TFEC: variants seen among roughly 807,000 people sequenced by gnomAD.
TFEC encodes transcription factor EC, also known as class E basic helix-loop-helix protein 34.
Under a neutral mutation model 41.6 loss-of-function variants are expected in TFEC, and 31 were observed. The ratio of observed to expected loss-of-function variants is 0.74; its 90% CI spans 0.56 to 1.01. The LOEUF (loss-of-function observed/expected upper bound fraction) is 1.01. Ranked by LOEUF, TFEC falls within the 50% of genes least tolerant of loss-of-function variation. The pLI is 0.00. For missense variants in TFEC, 402 were observed against 404.1 expected, an observed-to-expected ratio of 0.99 and a Z score of 0.04; for synonymous variants, 143 against 140.6, an observed-to-expected ratio of 1.02 and a Z score of -0.12.
chr7:116,061,718 A>G (rs1355963161), intron 3 of TFEC, among the ~76,000 whole-genome samples: 1 of 152,172 alleles, frequency 6.6e-6, no homozygotes, highest in Non-Finnish European at 1.5e-5. Context: ...ATGAGGGTGT[A>G]TATTCAGAAT....
intron 3 of TFEC, among the ~76,000 whole-genome samples, chr7:116,095,552 T>C (rs887156874): frequency 6.6e-6 from 1 of 152,232 alleles, no homozygotes; most frequent in African/African-American, 2.4e-5. Context: ...AAGACTTTAC[T>C]GTGATGTACC....
At position 115,936,795 on chromosome 7, in the gene TFEC, G is replaced by T. The variant is rs892152613; in HGVS notation, c.*3756C>A. On this transcript the variant is annotated 3_prime_UTR_variant, in exon 8 of 8. Transcript: ENST00000265440. ...AGAGCTATTAAATATTTGATTTACA[G>T]TCATGTAGGTGGGAAAAAAATGAGT... 6.6e-6 allele frequency: 1 copy of T among 151,362 alleles called. No homozygotes were observed. The highest frequency in any genetic ancestry group is 2.1e-4 in the South Asian group (1 of 4,822). 9.4% of individuals were successfully genotyped at this position (151,362 alleles called of 1,614,324 possible). A position where few individuals can be genotyped will look rare whatever the true frequency, so the allele number is the denominator to read the frequency against.
rs537980667 is a variant in TFEC at position 116,027,496 on chromosome 7, T to C, written c.-73+3137A>G. On this transcript the variant is annotated intron_variant, in intron 1 of 7. Coordinates refer to ENST00000265440, the MANE Select transcript of TFEC (RefSeq NM_012252.4). ...CTGTAGTACCAGCTACTCTGGGGGG[T>C]TGAGGCGGGAGGCTCTTTTGAGCCC... Among the ~76,000 whole-genome samples the C allele has an allele frequency of 4.0e-4, 61 of 151,986 alleles. No individual in the cohort carries two copies. The South Asian group carries it at 0.012, about 31-fold the overall frequency.
chr7:116,031,170 T>A (rs1323268271), upstream of TFEC, among the ~76,000 whole-genome samples: 1 of 152,148 alleles, frequency 6.6e-6, no homozygotes, highest in Non-Finnish European at 1.5e-5. Context: ...ATTGCACATT[T>A]CTTTAGAGCA....
chr7:115,962,290 A>G (rs1412771570), intron 3 of TFEC, among the ~76,000 whole-genome samples: 1 of 151,824 alleles, frequency 6.6e-6, no homozygotes, highest in Non-Finnish European at 1.5e-5. Flanking sequence ...AAAACTCAAT[A>G]CAATTTTTAT....
chr7:115,987,748 T>C (rs977473054), intron 1 of TFEC, among the ~76,000 whole-genome samples: 9 of 152,154 alleles, frequency 5.9e-5, no homozygotes, highest in African/African-American at 2.2e-4. Flanking sequence ...AATGTGTTTA[T>C]ATGTGCTCAT....
intron 1 of TFEC, among the ~76,000 whole-genome samples, chr7:116,011,946 G>T (rs978729458): frequency 2.6e-5 from 4 of 152,182 alleles, no homozygotes; most frequent in Non-Finnish European, 2.9e-5. Context: ...AGCCAAAGCA[G>T]GTGCTGGCAC....
chr7:116,050,936 G>A (rs953677961), intron 3 of TFEC, among the ~76,000 whole-genome samples: 1 of 152,164 alleles, frequency 6.6e-6, no homozygotes, highest in Admixed American at 6.5e-5. Context: ...AGAAAATGTG[G>A]CACATACACA....
At chr7:116,139,973 G>A (rs1229387028) in intron 1 of TFEC, among the ~76,000 whole-genome samples, 1 of 152,182 alleles carries the variant, frequency 6.6e-6, no homozygotes, top group African/African-American at 2.4e-5. Flanking sequence ...TAGATCCAAG[G>A]ATAAACAAAG....
At chr7:116,086,389 A>G (rs747254270) in intron 3 of TFEC, among the ~76,000 whole-genome samples, 2 of 151,920 alleles carry the variant, frequency 1.3e-5, no homozygotes, top group Non-Finnish European at 2.9e-5. Flanking sequence ...CCAAATAACC[A>G]TTCAATTGTT....
chr7:116,073,606 G>GT (rs895413069), intron 3 of TFEC, among the ~76,000 whole-genome samples: 12 of 151,806 alleles, frequency 7.9e-5, no homozygotes, highest in Admixed American at 3.9e-4. Flanking sequence ...ATTTGAGAAA[G>GT]TTTTTTTGCA....
chr7:115,958,056 T>G (rs910586259), intron 3 of TFEC, among the ~76,000 whole-genome samples: 1 of 151,888 alleles, frequency 6.6e-6, no homozygotes, highest in African/African-American at 2.4e-5. Flanking sequence ...TTCATATTTT[T>G]TCATTATTAA....
At chr7:116,133,110 C>A (rs113405574) in intron 1 of TFEC, among the ~76,000 whole-genome samples, 17 of 152,240 alleles carry the variant, frequency 1.1e-4, no homozygotes, top group African/African-American at 4.1e-4. Flanking sequence ...TGCTTATAAT[C>A]TTTTCAGTTT....
chr7:116,124,793 G>C (rs1370584124), intron 1 of TFEC, among the ~76,000 whole-genome samples: 3 of 152,032 alleles, frequency 2.0e-5, no homozygotes, highest in South Asian at 4.1e-4. Context: ...CATCATAGAA[G>C]GACAATTACT....
At chr7:116,155,571 A>C (rs944755608) in intron 1 of TFEC, among the ~76,000 whole-genome samples, 4 of 151,676 alleles carry the variant, frequency 2.6e-5, no homozygotes, top group South Asian at 4.2e-4. Flanking sequence ...CAGTGCCAGG[A>C]AAAAAAAAGA....
chr7:116,048,277 A>C (rs1296395129), intron 3 of TFEC, among the ~76,000 whole-genome samples: 2 of 152,258 alleles, frequency 1.3e-5, no homozygotes, highest in African/African-American at 4.8e-5. Context: ...AGTGTAGAGA[A>C]GTCCTTAAAA....
intron 3 of TFEC, among the ~76,000 whole-genome samples, chr7:116,097,725 G>A (rs1355428651): frequency 1.3e-5 from 2 of 151,980 alleles, no homozygotes; most frequent in Non-Finnish European, 2.9e-5. Flanking sequence ...TTTAAACCAC[G>A]GTTAACCATG....
chr7:115,947,482 A>G (rs13243595), intron 6 of TFEC, among the ~76,000 whole-genome samples: 20,438 of 150,168 alleles, frequency 0.14, 1,874 homozygotes, highest in Non-Finnish European at 0.21. Context: ...CTAGATCCCT[A>G]AGGAATCGCC....
At chr7:116,054,467 T>C (rs922239474) in intron 3 of TFEC, among the ~76,000 whole-genome samples, 21 of 152,156 alleles carry the variant, frequency 1.4e-4, no homozygotes, top group African/African-American at 5.1e-4. Context: ...GGAAATATTA[T>C]ATAGCAGTAC....
Sources: allele counts gnomAD v4.1 joint callset (sites outside exome capture counted in the v4.1 genomes callset), GRCh38; gene constraint gnomAD v4.1.1; transcripts MANE v1.5; gene names NCBI Gene and HGNC (gene_info 2026-07-23, HGNC 2026-07-21).